The following INTS10 variants were observed in gnomAD, a reference collection of about 807,000 sequenced individuals.
The protein encoded by INTS10 is integrator complex subunit 10.
Under a neutral mutation model 94.4 loss-of-function variants are expected in INTS10, and 44 were observed. That is an observed-to-expected ratio of 0.47 (90% CI 0.37 to 0.60). The LOEUF (loss-of-function observed/expected upper bound fraction) is 0.60, where lower values mean the gene tolerates loss of function less well. Among genes scored for constraint, INTS10 ranks in the 20% least tolerant of loss-of-function variants. INTS10 has a pLI of 0.00. For synonymous variants in INTS10, 341 were observed against 320.7 expected, an observed-to-expected ratio of 1.06 and a Z score of -0.68; for missense variants, 797 against 868.7, an observed-to-expected ratio of 0.92 and a Z score of 1.04.
rs140272490 is a variant in INTS10, at chr8:19,849,532, G to A, written c.1977-2117G>A. 1.6e-3 allele frequency among the ~76,000 whole-genome samples: 237 copies of A among 152,258 alleles called. 2 individuals carry two copies. Among genetic ancestry groups the A allele is most frequent in the South Asian group, 8.7e-3 (42 of 4,822 alleles). Reference sequence around the variant, plus strand: ...GTGCACATTAGCTTAGGTGCACCATGATTCTCTTTTGATAAAACGTTAAGG... The same window carrying A: ...GTGCACATTAGCTTAGGTGCACCATAATTCTCTTTTGATAAAACGTTAAGG... On this transcript the variant is annotated intron_variant, in intron 16 of 16. Transcript: ENST00000397977. This position sits in a 1 kb window ranked among gnomAD's most constrained non-coding sequence, Gnocchi z 4.6.
intron 9 of INTS10, among the ~76,000 whole-genome samples, chr8:19,828,115 A>G (rs2066944196): frequency 6.6e-6 from 1 of 152,060 alleles, no homozygotes; most frequent in Non-Finnish European, 1.5e-5. Flanking sequence ...AGAGGCTGAG[A>G]TGAGAAGATC....
At chr8:19,826,876 T>C (rs1006230583) in intron 9 of INTS10, among the ~76,000 whole-genome samples, 1 of 152,126 alleles carries the variant, frequency 6.6e-6, no homozygotes, top group East Asian at 1.9e-4. Context: ...ATGTTCCTTA[T>C]ACATGTTTTG....
chr8:19,847,914 C>T (rs1292706874), intron 16 of INTS10, among the ~76,000 whole-genome samples: 1 of 152,158 alleles, frequency 6.6e-6, no homozygotes, highest in Non-Finnish European at 1.5e-5. Context: ...ATCAATACAA[C>T]CCTTAATTTC....
chr8:19,829,049 C>T (rs2067030776), intron 9 of INTS10, among the ~76,000 whole-genome samples: 1 of 152,142 alleles, frequency 6.6e-6, no homozygotes. Flanking sequence ...GCTTCCTGCG[C>T]ACCTTACCTG....
At chr8:19,825,480 C>T (rs112407028) in intron 8 of INTS10, among the ~76,000 whole-genome samples, 5,630 of 150,124 alleles carry the variant, frequency 0.038, 363 homozygotes, top group African/African-American at 0.13. Flanking sequence ...GAGCTGAGGT[C>T]GCACCTTGCA....
chr8:19,840,021 C>G (rs2067999214), intron 13 of INTS10, among the ~76,000 whole-genome samples: 1 of 134,452 alleles, frequency 7.4e-6, no homozygotes, highest in Non-Finnish European at 1.5e-5. Context: ...CAAGATTGCA[C>G]CACTGCACTC....
Position 19,846,267 on chromosome 8 carries a change from C to CA in INTS10, c.1976+486dup, listed in dbSNP as rs565675578. On this transcript the variant is annotated intron_variant, in intron 16 of 16. Coordinates refer to ENST00000397977, the MANE Select transcript of INTS10 (RefSeq NM_018142.4). This position sits in a 1 kb window ranked among gnomAD's most constrained non-coding sequence, Gnocchi z 4.2. ...TGAAACCCCGTCTCTACTAAAAATA[C>CA]AAAAAAAAAAAAAAAATTATGTGGG... Among the ~76,000 whole-genome samples, 562 of 105,876 alleles carry CA rather than the reference C, an allele frequency of 5.3e-3. 2 individuals are homozygous for CA. Among genetic ancestry groups the CA allele is most frequent in the South Asian group, 0.011 (38 of 3,384 alleles). 69.5% of individuals were successfully genotyped at this position (105,876 alleles called of 152,430 possible). A position where few individuals can be genotyped will look rare whatever the true frequency, so the allele number is the denominator to read the frequency against.
At chr8:19,828,844 A>C (rs1312605589) in intron 9 of INTS10, among the ~76,000 whole-genome samples, 2 of 151,950 alleles carry the variant, frequency 1.3e-5, no homozygotes, top group Non-Finnish European at 2.9e-5. Context: ...GGGGTAAGCC[A>C]CTACACCTGG....
At chr8:19,818,099 C>A in intron 1 of INTS10, 176 bp from the exon 2 acceptor site, 1 of 654,198 alleles carries the variant, frequency 1.5e-6, no homozygotes, top group Admixed American at 2.6e-5. Flanking sequence ...CAGGTGAACC[C>A]CAGGGTCACA....
At position 19,822,452 on chromosome 8, in the gene INTS10, A is replaced by C. The variant is rs777756318; in HGVS notation, c.455A>C (p.Glu152Ala). The C allele has an allele frequency of 6.2e-7, 1 of 1,608,736 alleles. No homozygotes were observed. Among genetic ancestry groups the C allele is most frequent in the South Asian group, 1.1e-5 (1 of 90,922 alleles). The change falls in exon 5 of 17, where the codon GAG (glutamate) becomes GCG (alanine). Residue 152 changes from glutamate to alanine, a missense_variant. This residue lies in a region of INTS10 where 734 missense variants were observed against 787.8 expected (regional missense o/e 0.93). Coordinates refer to ENST00000397977, the MANE Select transcript of INTS10 (RefSeq NM_018142.4). Reference protein sequence around the residue: ...TVVQHGVGLGEALLEAETIEE... With the variant: ...TVVQHGVGLGAALLEAETIEE... ...GTTTTGAAATAGGTTGGCCTTGGGGAGGCACTATTAGAGGCTGAAACTATT... is the reference window on the plus strand; with the variant it reads ...GTTTTGAAATAGGTTGGCCTTGGGGCGGCACTATTAGAGGCTGAAACTATT...
chr8:19,847,032 G>A (rs2068637142), intron 16 of INTS10, among the ~76,000 whole-genome samples: 1 of 152,176 alleles, frequency 6.6e-6, no homozygotes, highest in Non-Finnish European at 1.5e-5. Flanking sequence ...TATCTTGATA[G>A]TCTTAGAAGT....
chr8:19,848,901 C>T (rs1038617503), intron 16 of INTS10: 5 of 201,038 alleles, frequency 2.5e-5, no homozygotes, highest in African/African-American at 1.2e-4. Flanking sequence ...GCTTTTTATA[C>T]CACCTCAAAA....
At chr8:19,828,885 G>A (rs1391434772) in intron 9 of INTS10, among the ~76,000 whole-genome samples, 2 of 152,102 alleles carry the variant, frequency 1.3e-5, no homozygotes, top group Admixed American at 6.6e-5. Flanking sequence ...TGGAAAAGGT[G>A]TGTTTTTCCC....
intron 6 of INTS10, 122 bp downstream of exon 6, chr8:19,823,563 A>C (rs1228356742): frequency 2.7e-6 from 2 of 740,820 alleles, no homozygotes; most frequent in African/African-American, 3.6e-5. Flanking sequence ...GTGTTTCAAA[A>C]GATGGTATCT....
At chr8:19,833,385 C>G in intron 12 of INTS10, 64 bp downstream of exon 12, 1 of 1,282,892 alleles carries the variant, frequency 7.8e-7, no homozygotes, top group South Asian at 1.9e-5. Flanking sequence ...TTCTCCTTTC[C>G]CTAGCGTGGC....
intron 8 of INTS10, among the ~76,000 whole-genome samples, chr8:19,825,770 T>C (rs1354841273): frequency 6.6e-6 from 1 of 152,150 alleles, no homozygotes. Flanking sequence ...TAGATTTTGT[T>C]TGGAATTTGT....
rs186558993 is a variant in INTS10 at position 19,851,833 on chromosome 8, C to T, written c.*28C>T. The T allele has an allele frequency of 2.9e-5, 46 of 1,606,870 alleles. No homozygotes were observed. The highest frequency in any genetic ancestry group is 2.3e-4 in the Admixed American group (14 of 59,916). On this transcript the variant is annotated 3_prime_UTR_variant, in exon 17 of 17. Coordinates refer to ENST00000397977, the MANE Select transcript of INTS10 (RefSeq NM_018142.4). The surrounding 1 kb of genome is among the most constrained non-coding windows in gnomAD (Gnocchi z 5.0). ...GGAGACCTTTCCACCAGACACAGCT[C>T]GGGCCTGTGTAATTGTAGGAGAAGA... is the stretch of plus-strand genomic sequence containing the variant.
In INTS10 at chr8:19,849,277, TTTG is replaced by T; in HGVS notation, c.1977-2370_1977-2368del. 1 of 1,101,382 alleles carries T rather than the reference TTTG, an allele frequency of 9.1e-7. No homozygotes were observed. The highest frequency in any genetic ancestry group is 1.2e-6 in the Non-Finnish European group (1 of 819,988). The allele number at this position is 1,101,382 out of a possible 1,614,324, so 68.2% of individuals were successfully genotyped here. On this transcript the variant is annotated intron_variant, in intron 16 of 16. Transcript: ENST00000397977. This position sits in a 1 kb window ranked among gnomAD's most constrained non-coding sequence, Gnocchi z 4.6. ...ATCAACGCCCGCTCATAGTGTGCTG[TTTG>T]TCAACATGTTCGCTGCCCATGGTTC...
intron 9 of INTS10, among the ~76,000 whole-genome samples, chr8:19,826,882 T>A (rs143185363): frequency 2.3e-3 from 343 of 152,262 alleles, no homozygotes; most frequent in Non-Finnish European, 4.2e-3. Context: ...CTTATACATG[T>A]TTTGACTGAA....
Sources: gnomAD v4.1 joint callset for allele counts (sites outside exome capture counted in the v4.1 genomes callset) on GRCh38, gnomAD v4.1.1 for gene constraint, gnomAD v4.1.1 regional missense constraint, Gnocchi (gnomAD v3.1) non-coding constraint, MANE v1.5 for transcripts, NCBI Gene and HGNC (gene_info 2026-07-23, HGNC 2026-07-21) for gene names.